LRRC4C: variants seen among roughly 807,000 people sequenced by gnomAD.
The protein encoded by LRRC4C is leucine rich repeat containing 4C, also known as leucine-rich repeat-containing protein 4C.
A neutral mutation model predicts 33.6 loss-of-function variants in LRRC4C; 5 were observed. The observed-to-expected ratio is 0.15, with a 90% CI of 0.08 to 0.31. The LOEUF is 0.31. Ranked by LOEUF, LRRC4C falls within the 10% of genes least tolerant of loss-of-function variation. The pLI is 1.00. For missense variants in LRRC4C, 560 were observed against 796.7 expected (o/e 0.70, Z 3.58); for synonymous variants, 329 against 302.0 (o/e 1.09, Z -0.93).
intron 3 of LRRC4C, among the ~76,000 whole-genome samples, chr11:40,427,741 G>A (rs900226134): frequency 9.2e-5 from 14 of 151,884 alleles, no homozygotes; most frequent in African/African-American, 3.4e-4. Context: ...GAGGTGGGAG[G>A]ATCACTTGAG....
intron 3 of LRRC4C, among the ~76,000 whole-genome samples, chr11:40,390,764 AC>A (rs1290563111): frequency 2.6e-5 from 4 of 152,188 alleles, no homozygotes; most frequent in Admixed American, 1.3e-4. Context: ...TAGTTCTGTA[AC>A]ACAGATTCCT....
intron 3 of LRRC4C, among the ~76,000 whole-genome samples, chr11:40,475,685 A>G (rs1433923350): frequency 1.3e-5 from 2 of 152,166 alleles, no homozygotes; most frequent in Non-Finnish European, 2.9e-5. Context: ...GGGGAGCATT[A>G]GAGTCCTGTC....
At chr11:41,206,659 TTTTGAA>T in intron 1 of LRRC4C, among the ~76,000 whole-genome samples, 1 of 152,284 alleles carries the variant, frequency 6.6e-6, no homozygotes, top group African/African-American at 2.4e-5. Flanking sequence ...AAGGACACAG[TTTTGAA>T]TCCCTTGCTC....
chr11:40,592,071 G>A (rs1344160184), intron 3 of LRRC4C, among the ~76,000 whole-genome samples: 1 of 152,170 alleles, frequency 6.6e-6, no homozygotes, highest in African/African-American at 2.4e-5. Flanking sequence ...GCCTCAGTTT[G>A]CTTTTTAACG....
intron 3 of LRRC4C, among the ~76,000 whole-genome samples, chr11:40,548,001 A>G (rs1956993168): frequency 6.6e-6 from 1 of 152,126 alleles, no homozygotes; most frequent in African/African-American, 2.4e-5. Context: ...GAGTCAGGCA[A>G]TAAACACGGA....
At chr11:41,256,785 A>T (rs1393233858) in intron 1 of LRRC4C, among the ~76,000 whole-genome samples, 1 of 152,064 alleles carries the variant, frequency 6.6e-6, no homozygotes. Flanking sequence ...GACCATAAAA[A>T]TCTTTCAGAA....
At chr11:40,367,195 A>G (rs1409972993) in intron 3 of LRRC4C, among the ~76,000 whole-genome samples, 1 of 152,046 alleles carries the variant, frequency 6.6e-6, no homozygotes, top group East Asian at 1.9e-4. Flanking sequence ...ACATTAATTT[A>G]ATTTCTTGTT....
At chr11:40,856,722 A>G (rs1953802406) in intron 2 of LRRC4C, among the ~76,000 whole-genome samples, 1 of 152,192 alleles carries the variant, frequency 6.6e-6, no homozygotes, top group Non-Finnish European at 1.5e-5. Context: ...TTCAAATGAA[A>G]TCATTTCATC....
At chr11:40,697,558 A>G (rs1945631786) in intron 2 of LRRC4C, among the ~76,000 whole-genome samples, 2 of 152,228 alleles carry the variant, frequency 1.3e-5, no homozygotes, top group South Asian at 4.1e-4. Flanking sequence ...ATGATGCTAC[A>G]TATGGATCTG....
chr11:41,091,927 A>G (rs1199359216), intron 1 of LRRC4C, among the ~76,000 whole-genome samples: 2 of 152,132 alleles, frequency 1.3e-5, no homozygotes, highest in African/African-American at 4.8e-5. Flanking sequence ...TAGAAAATCA[A>G]TGGGATACAA....
chr11:40,487,288 T>TA (rs1953912831), intron 3 of LRRC4C, among the ~76,000 whole-genome samples: 1 of 152,100 alleles, frequency 6.6e-6, no homozygotes, highest in African/African-American at 2.4e-5. Flanking sequence ...TCCTAAAAAT[T>TA]ACAACATTTA....
rs557587397 is a variant in LRRC4C, at chr11:40,589,073, G to T, written c.-270+59069C>A. 2.2e-3 allele frequency among the ~76,000 whole-genome samples: 334 copies of T among 152,182 alleles called. 1 individual carries two copies. Among genetic ancestry groups the T allele is most frequent in the African/African-American group, 7.7e-3 (319 of 41,518 alleles). ...CGTTGATCTGTCTAATGTTGACAGTGGGGTGTTAAAGTCTCCCATTATTAA... is the reference window on the plus strand; with the variant it reads ...CGTTGATCTGTCTAATGTTGACAGTTGGGTGTTAAAGTCTCCCATTATTAA... On this transcript the variant is annotated intron_variant, in intron 3 of 6. Coordinates refer to ENST00000528697, the MANE Select transcript of LRRC4C (RefSeq NM_001258419.2).
At chr11:40,521,147 C>T (rs189880801) in intron 3 of LRRC4C, among the ~76,000 whole-genome samples, 52 of 152,160 alleles carry the variant, frequency 3.4e-4, no homozygotes, top group African/African-American at 1.2e-3. Flanking sequence ...CACTATGGAG[C>T]TAATGGGGAA....
At chr11:40,557,067 C>A (rs1426792698) in intron 3 of LRRC4C, among the ~76,000 whole-genome samples, 1 of 152,016 alleles carries the variant, frequency 6.6e-6, no homozygotes, top group African/African-American at 2.4e-5. Context: ...TGAGACTTAG[C>A]TGATAAGATT....
At chr11:40,474,499 A>G (rs1270019341) in intron 3 of LRRC4C, among the ~76,000 whole-genome samples, 2 of 152,198 alleles carry the variant, frequency 1.3e-5, no homozygotes, top group African/African-American at 4.8e-5. Flanking sequence ...AATCTAGGCA[A>G]TACCATTCAG....
intron 1 of LRRC4C, among the ~76,000 whole-genome samples, chr11:41,101,060 A>G (rs1941144754): frequency 6.6e-6 from 1 of 152,230 alleles, no homozygotes; most frequent in Non-Finnish European, 1.5e-5. Flanking sequence ...CCTGGAAGAC[A>G]ACCTGGGCAA....
intron 1 of LRRC4C, among the ~76,000 whole-genome samples, chr11:41,120,694 T>TAA (rs1482613569): frequency 6.6e-6 from 1 of 152,170 alleles, no homozygotes; most frequent in East Asian, 1.9e-4. Flanking sequence ...CTAAGGATAA[T>TAA]AAAGTCTTCC....
intron 2 of LRRC4C, among the ~76,000 whole-genome samples, chr11:40,724,415 C>T (rs934794666): frequency 2.0e-4 from 30 of 152,066 alleles, no homozygotes; most frequent in Admixed American, 6.5e-5. Flanking sequence ...TACTATTGAG[C>T]CAGAGTGAAA....
chr11:40,512,304 G>A lies in LRRC4C; in HGVS notation c.-270+135838C>T, dbSNP rs111634967. 6.7e-3 allele frequency among the ~76,000 whole-genome samples: 1,019 copies of A among 152,188 alleles called. 17 individuals carry two copies. Among genetic ancestry groups the A allele is most frequent in the African/African-American group, 0.024 (977 of 41,522 alleles). On this transcript the variant is annotated intron_variant, in intron 3 of 6. Coordinates refer to ENST00000528697, the MANE Select transcript of LRRC4C (RefSeq NM_001258419.2). ...TGAGAGAATTGCTTCAACCCTGGAG[G>A]CAGAGGTTGCAGTGAGCCGAGATCA...
Sources: allele counts gnomAD v4.1 joint callset (sites outside exome capture counted in the v4.1 genomes callset), GRCh38; gene constraint gnomAD v4.1.1; transcripts MANE v1.5; gene names NCBI Gene and HGNC (gene_info 2026-07-23, HGNC 2026-07-21).